HMCN1: variants seen among roughly 807,000 people sequenced by gnomAD.
HMCN1 encodes the protein hemicentin-1.
HMCN1 carries 321 observed loss-of-function variants against 625.9 expected under a neutral mutation model. That is an observed-to-expected ratio of 0.51 (90% CI 0.47 to 0.56). The LOEUF (loss-of-function observed/expected upper bound fraction) is 0.56, where lower values mean the gene tolerates loss of function less well. Ranked by LOEUF, HMCN1 falls within the 20% of genes least tolerant of loss-of-function variation. HMCN1 has a pLI of 0.00. For missense variants in HMCN1, 6,588 were observed against 6,887.3 expected (o/e 0.96, Z 1.54); for synonymous variants, 2,425 against 2,417.6 (o/e 1.00, Z -0.09).
At chr1:186,016,280 C>T in intron 32 of HMCN1, 41 bp downstream of exon 32, 1 of 1,566,098 alleles carries the variant, frequency 6.4e-7, no homozygotes, top group Non-Finnish European at 8.8e-7. Flanking sequence ...AGATTCATAG[C>T]AAAACCTGAT....
In HMCN1 at chr1:186,115,255, T is replaced by C. The variant is rs771393516; in HGVS notation, c.11405-3T>C. ...TCCTTCTTATTTGGTGACATTGTCT[T>C]AGTTCCTCCATCTATTGCTCCGGGT... On this transcript the variant is annotated splice_region_variant and splice_polypyrimidine_tract_variant and intron_variant, in intron 74 of 106. Coordinates refer to ENST00000271588, the MANE Select transcript of HMCN1 (RefSeq NM_031935.3). 48 of 1,613,898 alleles carry C rather than the reference T, an allele frequency of 3.0e-5. No individual in the cohort carries two copies. In the Admixed American group the frequency reaches 5.7e-4, roughly 19 times the overall value.
rs545884856 is a variant in HMCN1 at position 186,152,638 on chromosome 1, T to C, written c.14897-112T>C. 7.0e-6 allele frequency: 9 copies of C among 1,279,098 alleles called. No homozygotes were observed. In the African/African-American group the frequency reaches 1.0e-4, roughly 15 times the overall value. The allele number at this position is 1,279,098 out of a possible 1,614,324, so 79.2% of individuals were successfully genotyped here. ...TTTCAGTTCTCATCATCTATACTTA[T>C]TCAAGTTTGAACTCAAAAAGCATAG... is the stretch of plus-strand genomic sequence containing the variant. On this transcript the variant is annotated intron_variant, in intron 95 of 106. Coordinates refer to ENST00000271588, the MANE Select transcript of HMCN1 (RefSeq NM_031935.3).
chr1:185,758,093 C>T (rs1173108275), intron 1 of HMCN1, among the ~76,000 whole-genome samples: 1 of 152,160 alleles, frequency 6.6e-6, no homozygotes, highest in Non-Finnish European at 1.5e-5. Context: ...CAGCACTTCT[C>T]AACACGTCTT....
rs559734062 is a variant in HMCN1 at position 186,001,451 on chromosome 1, G to A, written c.4200+23G>A. 74 of 1,611,088 alleles carry A rather than the reference G, an allele frequency of 4.6e-5. No homozygotes were observed. Among genetic ancestry groups the A allele is most frequent in the East Asian group, 3.3e-4 (15 of 44,790 alleles). On this transcript the variant is annotated intron_variant, in intron 27 of 106. Transcript: ENST00000271588. ...CAGGTAAATAGAGTCATCCAAATAC[G>A]TGTAATTCCTTGCCTCTGCATCTGA... is the stretch of plus-strand genomic sequence containing the variant.
chr1:186,145,100 C>T (rs1048257991), intron 91 of HMCN1, among the ~76,000 whole-genome samples: 2 of 152,236 alleles, frequency 1.3e-5, no homozygotes, highest in African/African-American at 2.4e-5. Context: ...CTGAAGTTTA[C>T]AGCCTTGGCT....
At chr1:186,039,915 C>G in intron 39 of HMCN1, 36 bp downstream of exon 39, 1 of 1,591,850 alleles carries the variant, frequency 6.3e-7, no homozygotes, top group Non-Finnish European at 8.6e-7. Flanking sequence ...CATTTACCAC[C>G]TGATTATTCA....
At chr1:185,836,931 C>T (rs1292280557) in intron 1 of HMCN1, among the ~76,000 whole-genome samples, 2 of 151,820 alleles carry the variant, frequency 1.3e-5, no homozygotes, top group African/African-American at 4.8e-5. Flanking sequence ...GCCTCTAGCT[C>T]CATCCATGTT....
chr1:186,144,131 C>T lies in HMCN1; in HGVS notation c.13925-42C>T, dbSNP rs760843622. 1.9e-6 allele frequency: 3 copies of T among 1,538,616 alleles called. No homozygotes were observed. The African/African-American group carries it at 4.2e-5, about 21-fold the overall frequency. On this transcript the variant is annotated intron_variant, in intron 89 of 106. Coordinates refer to ENST00000271588, the MANE Select transcript of HMCN1 (RefSeq NM_031935.3). The stretch of plus-strand genomic sequence containing the variant: ...TTATATAATTTTGGTTTTAAACAAA[C>T]ACGGTTCTGTGACTTGCAACTGTCT...
intron 42 of HMCN1, among the ~76,000 whole-genome samples, chr1:186,049,466 A>G (rs1308274694): frequency 1.3e-5 from 2 of 151,976 alleles, no homozygotes; most frequent in South Asian, 4.1e-4. Context: ...TGGGATTACT[A>G]TAATAACCAG....
At chr1:185,744,542 C>T (rs1333897714) in intron 1 of HMCN1, among the ~76,000 whole-genome samples, 1 of 152,150 alleles carries the variant, frequency 6.6e-6, no homozygotes. Flanking sequence ...AGACTTCTTA[C>T]CATTTGTCAG....
intron 11 of HMCN1, among the ~76,000 whole-genome samples, chr1:185,937,134 G>A (rs961814713): frequency 2.0e-5 from 3 of 152,118 alleles, no homozygotes; most frequent in Admixed American, 2.0e-4. Context: ...AGAGACTAGG[G>A]GAAAAAATAT....
chr1:185,980,598 G>A (rs1651551101), intron 16 of HMCN1, among the ~76,000 whole-genome samples: 1 of 151,272 alleles, frequency 6.6e-6, no homozygotes, highest in Non-Finnish European at 1.5e-5. Flanking sequence ...ACAGGGTGGT[G>A]GTGCAGAGCA....
intron 49 of HMCN1, among the ~76,000 whole-genome samples, chr1:186,066,411 C>T (rs895030186): frequency 3.3e-5 from 5 of 152,084 alleles, no homozygotes; most frequent in Admixed American, 3.3e-4. Flanking sequence ...TCCAATCTAC[C>T]CGGCCAAAAG....
intron 1 of HMCN1, among the ~76,000 whole-genome samples, chr1:185,739,584 T>C (rs1374474500): frequency 6.6e-6 from 1 of 152,152 alleles, no homozygotes; most frequent in East Asian, 1.9e-4. Flanking sequence ...CACAATTGTG[T>C]CTCCACTTTC....
chr1:185,809,453 A>G (rs1371244787), intron 1 of HMCN1, among the ~76,000 whole-genome samples: 1 of 151,848 alleles, frequency 6.6e-6, no homozygotes, highest in Non-Finnish European at 1.5e-5. Context: ...ATAACATAGT[A>G]TGTGCACATG....
intron 93 of HMCN1, 21 bp from the exon 94 acceptor site, chr1:186,151,178 AT>A: frequency 6.2e-7 from 1 of 1,612,308 alleles, no homozygotes; most frequent in Non-Finnish European, 8.5e-7. Context: ...TTATCCAGGA[AT>A]GTTTTTTTTT....
At chr1:186,113,868 A>T in intron 72 of HMCN1, 111 bp from the exon 73 acceptor site, 1 of 1,171,632 alleles carries the variant, frequency 8.5e-7, no homozygotes, top group Non-Finnish European at 1.3e-6. Flanking sequence ...ATTCTTGTAG[A>T]CAAAGCTATA....
At chr1:185,944,924 A>T (rs1571596068) in intron 11 of HMCN1, among the ~76,000 whole-genome samples, 1 of 152,328 alleles carries the variant, frequency 6.6e-6, no homozygotes, top group Admixed American at 6.5e-5. Flanking sequence ...TGTACTAAAA[A>T]ATTTTGGTTC....
In HMCN1 at chr1:185,923,471, C is replaced by A; in HGVS notation, c.1103C>A (p.Ser368Ter). The change falls in exon 8 of 107, where the codon TCA (serine) becomes TAA (stop). Residue 368 changes from serine to a stop codon, truncating the protein, a stop_gained. Coordinates refer to ENST00000271588, the MANE Select transcript of HMCN1 (RefSeq NM_031935.3). LOFTEE classifies it high-confidence loss of function. The part of the protein sequence containing the change: ...RIDLLELLSI[S>*]GSSLKTIPVK... ...GATCTTCTTGAACTTTTGAGTATCTCAGGAAGTTCTCTTAAGACTATTCCT... is the reference window on the plus strand; with the variant it reads ...GATCTTCTTGAACTTTTGAGTATCTAAGGAAGTTCTCTTAAGACTATTCCT... 6.2e-7 allele frequency: 1 copy of A among 1,610,180 alleles called. No individual in the cohort carries two copies. Among genetic ancestry groups the A allele is most frequent in the Non-Finnish European group, 8.5e-7 (1 of 1,176,770 alleles).
Sources: allele counts gnomAD v4.1 joint callset (sites outside exome capture counted in the v4.1 genomes callset), GRCh38; gene constraint gnomAD v4.1.1; transcripts MANE v1.5; gene names NCBI Gene and HGNC (gene_info 2026-07-23, HGNC 2026-07-21).